The following USP34 variants were observed in gnomAD, a reference collection of about 807,000 sequenced individuals.
USP34 encodes the protein ubiquitin specific peptidase 34.
Under a neutral mutation model 460.3 loss-of-function variants are expected in USP34, and 70 were observed. That is an observed-to-expected ratio of 0.15 (90% confidence interval 0.13 to 0.19). The LOEUF (loss-of-function observed/expected upper bound fraction) is 0.19. Among genes scored for constraint, USP34 ranks in the 10% least tolerant of loss-of-function variants. The pLI is 1.00. For synonymous variants in USP34, 1,647 were observed against 1,405.3 expected (o/e 1.17, Z -3.85); for missense variants, 3,985 against 4,236.2 (o/e 0.94, Z 1.65).
chr2:61,305,850 C>G (rs776235800), intron 27 of USP34, among the ~76,000 whole-genome samples: 1 of 152,124 alleles, frequency 6.6e-6, no homozygotes, highest in East Asian at 1.9e-4. Context: ...ACAAACTTTG[C>G]AAGCCAAATA....
chr2:61,332,015 G>A (rs1014521755), intron 19 of USP34, among the ~76,000 whole-genome samples: 1 of 151,992 alleles, frequency 6.6e-6, no homozygotes, highest in South Asian at 2.1e-4. Flanking sequence ...TCGTGTTTCT[G>A]TTATAGCCAT....
intron 14 of USP34, 74 bp from the exon 15 acceptor site, chr2:61,348,554 T>C: frequency 6.6e-7 from 1 of 1,521,176 alleles, no homozygotes; most frequent in Non-Finnish European, 8.8e-7. Flanking sequence ...ATTAATAAAC[T>C]GTACTTTTTA....
At chr2:61,430,075 C>A (rs1417575991) in intron 1 of USP34, among the ~76,000 whole-genome samples, 1 of 152,058 alleles carries the variant, frequency 6.6e-6, no homozygotes, top group East Asian at 1.9e-4. Context: ...ATTAGCCGCG[C>A]GTGGTGGTGG....
At chr2:61,285,780 AG>A (rs1179661172) in intron 34 of USP34, among the ~76,000 whole-genome samples, 1 of 152,240 alleles carries the variant, frequency 6.6e-6, no homozygotes, top group Non-Finnish European at 1.5e-5. Context: ...ACGGGTAGAG[AG>A]CATGGATTCT....
intron 1 of USP34, among the ~76,000 whole-genome samples, chr2:61,447,485 A>T (rs1444279901): frequency 6.6e-6 from 1 of 152,238 alleles, no homozygotes; most frequent in Middle Eastern, 3.4e-3. Context: ...TGTTAAATAT[A>T]AAAAATCTGG....
Position 61,302,447 on chromosome 2 carries a change from G to C in USP34, c.3818-993C>G, listed in dbSNP as rs921361470. ...TGCCTTAAGCACAATTTTTTTATAA[G>C]TAAATTGCTAATCATTGTGTAGCTA... On this transcript the variant is annotated intron_variant, in intron 27 of 79. Coordinates refer to ENST00000398571, the MANE Select transcript of USP34 (RefSeq NM_014709.4). Among the ~76,000 whole-genome samples the C allele has an allele frequency of 1.0e-3, 156 of 152,266 alleles. 1 individual carries two copies. The highest frequency in any genetic ancestry group is 3.6e-3 in the African/African-American group (148 of 41,568).
chr2:61,441,001 G>A (rs1469783953), intron 1 of USP34, among the ~76,000 whole-genome samples: 1 of 151,762 alleles, frequency 6.6e-6, no homozygotes, highest in Non-Finnish European at 1.5e-5. Context: ...GATGGCAGGT[G>A]CCTGTAGTCC....
intron 70 of USP34, chr2:61,207,170 TC>T (rs768082243): frequency 3.1e-5 from 7 of 226,740 alleles, no homozygotes; most frequent in Non-Finnish European, 6.0e-5. Flanking sequence ...GATTGTTAAG[TC>T]TTCAAAATTA....
chr2:61,218,592 G>A (rs1011282624), intron 67 of USP34, among the ~76,000 whole-genome samples: 2 of 151,090 alleles, frequency 1.3e-5, no homozygotes, highest in African/African-American at 4.9e-5. Context: ...TTCCTTCCAG[G>A]ATCCCATCTA....
At chr2:61,378,018 C>CA (rs1558559111) in intron 8 of USP34, among the ~76,000 whole-genome samples, 1 of 152,108 alleles carries the variant, frequency 6.6e-6, no homozygotes, top group East Asian at 1.9e-4. Flanking sequence ...GCAAATATCA[C>CA]AAAAATTAGC....
At chr2:61,312,456 G>A (rs1335588498) in intron 25 of USP34, among the ~76,000 whole-genome samples, 3 of 150,682 alleles carry the variant, frequency 2.0e-5, no homozygotes, top group African/African-American at 4.9e-5. Flanking sequence ...CACTAAACAC[G>A]TGTCAATTTT....
Position 61,470,735 on chromosome 2 carries a change from T to A in USP34, c.-43A>T. 6.7e-7 allele frequency: 1 copy of A among 1,500,742 alleles called. No homozygotes were observed. Among genetic ancestry groups the A allele is most frequent in the Non-Finnish European group, 9.0e-7 (1 of 1,105,920 alleles). The allele number at this position is 1,500,742 out of a possible 1,614,324, so 93.0% of individuals were successfully genotyped here. On this transcript the variant is annotated 5_prime_UTR_variant, in exon 1 of 80. Transcript: ENST00000398571. The stretch of plus-strand genomic sequence containing the variant: ...CCCCCTCCCCCGCTTCGGATCACAC[T>A]GACTGATCCCGACCGGCGGGGGGGA...
intron 1 of USP34, among the ~76,000 whole-genome samples, chr2:61,469,254 G>T (rs1342970046): frequency 6.6e-6 from 1 of 152,110 alleles, no homozygotes; most frequent in African/African-American, 2.4e-5. Context: ...TTAAGTACTT[G>T]TTCCTCATAT....
intron 1 of USP34, among the ~76,000 whole-genome samples, chr2:61,452,256 A>G (rs1461819788): frequency 6.7e-6 from 1 of 149,896 alleles, no homozygotes; most frequent in African/African-American, 2.5e-5. Flanking sequence ...ACAAAAGACT[A>G]CTTGCCATTA....
intron 1 of USP34, among the ~76,000 whole-genome samples, chr2:61,438,721 CAA>C (rs1694885793): frequency 6.6e-6 from 1 of 152,136 alleles, no homozygotes; most frequent in Non-Finnish European, 1.5e-5. Context: ...TCTTACTCAA[CAA>C]GAGAAAGATA....
chr2:61,273,720 A>G (rs1689288553), intron 41 of USP34, among the ~76,000 whole-genome samples: 1 of 151,996 alleles, frequency 6.6e-6, no homozygotes, highest in Non-Finnish European at 1.5e-5. Flanking sequence ...GTCTCAAAAA[A>G]CAAACAAAGG....
intron 34 of USP34, among the ~76,000 whole-genome samples, chr2:61,287,874 C>T (rs1689735613): frequency 6.6e-6 from 1 of 152,052 alleles, no homozygotes; most frequent in African/African-American, 2.4e-5. Flanking sequence ...TTTTCAAGGG[C>T]CAACCATATT....
chr2:61,187,876 A>G lies in USP34; in HGVS notation c.*226T>C, dbSNP rs1470091073. On this transcript the variant is annotated 3_prime_UTR_variant, in exon 80 of 80. Transcript: ENST00000398571. ...GCCACTAAAGTGAACTCTTAATTACATAAAACATATCCATTATCTGATTGC... is the reference window on the plus strand; with the variant it reads ...GCCACTAAAGTGAACTCTTAATTACGTAAAACATATCCATTATCTGATTGC... 4 of 1,365,714 alleles carry G rather than the reference A, an allele frequency of 2.9e-6. No individual in the cohort carries two copies. The highest frequency in any genetic ancestry group is 3.5e-5 in the Admixed American group (1 of 28,660). The allele number at this position is 1,365,714 out of a possible 1,614,324, so 84.6% of individuals were successfully genotyped here.
intron 1 of USP34, among the ~76,000 whole-genome samples, chr2:61,468,685 T>G (rs752058127): frequency 6.6e-6 from 1 of 152,206 alleles, no homozygotes; most frequent in South Asian, 2.1e-4. Flanking sequence ...CTGGTTGAAC[T>G]AACTGTATTT....
Sources: gnomAD v4.1 joint callset for allele counts (sites outside exome capture counted in the v4.1 genomes callset) on GRCh38, gnomAD v4.1.1 for gene constraint, MANE v1.5 for transcripts, NCBI Gene and HGNC (gene_info 2026-07-23, HGNC 2026-07-21) for gene names.